HINT3: variants seen among roughly 807,000 people sequenced by gnomAD.
HINT3 encodes adenosine 5'-monophosphoramidase HINT3.
HINT3 carries 16 observed loss-of-function variants against 19.1 expected under a neutral mutation model. That is an observed-to-expected ratio of 0.84 (90% confidence interval 0.57 to 1.27). The LOEUF (loss-of-function observed/expected upper bound fraction) is 1.27, where lower values mean the gene tolerates loss of function less well. HINT3 is among the 50% of genes most tolerant of loss of function. HINT3 has a pLI of 0.00. For synonymous variants in HINT3, 75 were observed against 84.8 expected (o/e 0.88, Z 0.63); for missense variants, 197 against 225.8 (o/e 0.87, Z 0.82).
intron 2 of HINT3, 118 bp downstream of exon 2, chr6:125,967,122 T>C: frequency 1.7e-6 from 1 of 584,822 alleles, no homozygotes; most frequent in Non-Finnish European, 2.9e-6. Context: ...CATTATGACT[T>C]TTTGAAATTT....
chr6:125,966,321 A>T (rs1789017266), intron 1 of HINT3, among the ~76,000 whole-genome samples: 1 of 152,208 alleles, frequency 6.6e-6, no homozygotes, highest in African/African-American at 2.4e-5. Flanking sequence ...AGTACAATAT[A>T]CTGGAATTTG....
chr6:125,962,163 C>CATAT (rs1164333774), intron 1 of HINT3, among the ~76,000 whole-genome samples: 27 of 11,256 alleles, frequency 2.4e-3, no homozygotes, highest in South Asian at 9.6e-3. Context: ...TATATATACA[C>CATAT]ATATATATAT....
chr6:125,967,330 T>C (rs1361784613), intron 2 of HINT3, among the ~76,000 whole-genome samples: 1 of 134,828 alleles, frequency 7.4e-6, no homozygotes, highest in East Asian at 2.1e-4. Flanking sequence ...TTATGACTTT[T>C]TTTTTTTTTT....
At chr6:125,969,584 G>A (rs1414217054) in intron 2 of HINT3, among the ~76,000 whole-genome samples, 3 of 152,092 alleles carry the variant, frequency 2.0e-5, no homozygotes, top group African/African-American at 4.8e-5. Flanking sequence ...GGGCAGTATG[G>A]CCTTTTTAAC....
rs751870175 is a variant in HINT3, at chr6:125,972,335, A to G, written c.389+7A>G. ...CTGACTTCACGAATGTGAGGTGTGT[A>G]TACTTCCAGATGGAAACCAATATTA... On this transcript the variant is annotated splice_region_variant and intron_variant, in intron 3 of 4. Coordinates refer to ENST00000229633, the MANE Select transcript of HINT3 (RefSeq NM_138571.5). 4.6e-6 allele frequency: 7 copies of G among 1,505,626 alleles called. No individual in the cohort carries two copies. In the Admixed American group the frequency reaches 1.4e-4, roughly 30 times the overall value. 93.3% of individuals were successfully genotyped at this position (1,505,626 alleles called of 1,614,324 possible). A position where few individuals can be genotyped will look rare whatever the true frequency, so the allele number is the denominator to read the frequency against.
chr6:125,957,612 GA>G (rs1788859732), intron 1 of HINT3, among the ~76,000 whole-genome samples: 1 of 152,224 alleles, frequency 6.6e-6, no homozygotes, highest in Non-Finnish European at 1.5e-5. Flanking sequence ...ATACTGATGA[GA>G]AAACTAGTAG....
Position 125,962,255 on chromosome 6 carries a change from C to CAT in HINT3, c.202-4618_202-4617dup, listed in dbSNP as rs1389282551. ...ATATACACATATATATATATACACA[C>CAT]ATATATATATATATACATACATATA... On this transcript the variant is annotated intron_variant, in intron 1 of 4. Transcript: ENST00000229633. Among the ~76,000 whole-genome samples, 12 of 14,936 alleles carry CAT rather than the reference C, an allele frequency of 8.0e-4. 1 individual carries two copies. The highest frequency in any genetic ancestry group is 2.9e-3 in the South Asian group (1 of 346). 9.8% of individuals were successfully genotyped at this position (14,936 alleles called of 152,430 possible).
intron 1 of HINT3, among the ~76,000 whole-genome samples, chr6:125,962,217 T>TATATATATATATATATACAC (rs1205142956): frequency 1.4e-5 from 1 of 72,598 alleles, no homozygotes; most frequent in South Asian, 3.9e-4. Flanking sequence ...TATACACATA[T>TATATATATATATATATACAC]ATATATATAT....
In HINT3 at chr6:125,972,363, C is replaced by T. The variant is rs756166289; in HGVS notation, c.389+35C>T. ...CTTCCAGATGGAAACCAATATTATA[C>T]ATTATTGACGTTTTTCAAAATGTCA... On this transcript the variant is annotated intron_variant, in intron 3 of 4. Coordinates refer to ENST00000229633, the MANE Select transcript of HINT3 (RefSeq NM_138571.5). 4 of 1,265,236 alleles carry T rather than the reference C, an allele frequency of 3.2e-6. No homozygotes were observed. The African/African-American group carries it at 4.7e-5, about 15-fold the overall frequency. The allele number at this position is 1,265,236 out of a possible 1,614,324, so 78.4% of individuals were successfully genotyped here.
In HINT3 at chr6:125,962,149, CATATATATATACACATATATATAT is replaced by C. The variant is rs1788934723; in HGVS notation, c.202-4726_202-4703del. Among the ~76,000 whole-genome samples, 4 of 38,680 alleles carry C rather than the reference CATATATATATACACATATATATAT, an allele frequency of 1.0e-4. No individual in the cohort carries two copies. In the Admixed American group the frequency reaches 1.6e-3, roughly 16 times the overall value. The allele number at this position is 38,680 out of a possible 152,430, so 25.4% of individuals were successfully genotyped here. A position where few individuals can be genotyped will look rare whatever the true frequency, so the allele number is the denominator to read the frequency against. ...AAGCCAGGAATCGTGGATGGAAACC[CATATATATATACACATATATATAT>C]ATATATATATATACACATATATATA... On this transcript the variant is annotated intron_variant, in intron 1 of 4. Transcript: ENST00000229633.
chr6:125,970,506 G>A (rs1789082169), intron 2 of HINT3, among the ~76,000 whole-genome samples: 1 of 152,122 alleles, frequency 6.6e-6, no homozygotes, highest in South Asian at 2.1e-4. Context: ...TAATTTTGAA[G>A]CAGCTGGTAG....
Position 125,957,143 on chromosome 6 carries a change from C to T in HINT3, c.166C>T (p.Arg56Trp), listed in dbSNP as rs923286744. 1.5e-5 allele frequency: 23 copies of T among 1,549,884 alleles called. No homozygotes were observed. The highest frequency in any genetic ancestry group is 1.9e-5 in the Non-Finnish European group (22 of 1,146,558). The change falls in exon 1 of 5, where the codon CGG becomes TGG. Residue 56 changes from arginine to tryptophan, a missense_variant. Transcript: ENST00000229633. ...CTGCGTGTTCTGCCGGATCGCGGGG[C>T]GGCAGGACCCGGGCACCGAACTCCT... is the stretch of plus-strand genomic sequence containing the variant. ...STCVFCRIAG[R>W]QDPGTELLHC...
In HINT3 at chr6:125,972,265, A is replaced by T; in HGVS notation, c.326A>T (p.Asn109Ile). The T allele has an allele frequency of 6.3e-7, 1 of 1,575,546 alleles. No homozygotes were observed. Among genetic ancestry groups the T allele is most frequent in the Non-Finnish European group, 8.6e-7 (1 of 1,162,516 alleles). Residue 109 changes from asparagine (N) to isoleucine (I), a missense_variant, in exon 3 of 5, where the codon AAC (asparagine) becomes ATC (isoleucine). Coordinates refer to ENST00000229633, the MANE Select transcript of HINT3 (RefSeq NM_138571.5). ...LRKDQVELVE[N>I]MVTVGKTILE... Reference sequence around the variant, plus strand: ...TGTCTTTTCTGTTTTACAGTTGAGAACATGGTAACTGTTGGAAAAACCATT... The same window carrying T: ...TGTCTTTTCTGTTTTACAGTTGAGATCATGGTAACTGTTGGAAAAACCATT...
chr6:125,975,804 C>T (rs1789171585), intron 4 of HINT3, among the ~76,000 whole-genome samples: 1 of 152,148 alleles, frequency 6.6e-6, no homozygotes, highest in Non-Finnish European at 1.5e-5. Flanking sequence ...TCTCTATCTC[C>T]TGACCTCATG....
chr6:125,961,707 A>C (rs1788929527), intron 1 of HINT3, among the ~76,000 whole-genome samples: 1 of 152,204 alleles, frequency 6.6e-6, no homozygotes, highest in South Asian at 2.1e-4. Flanking sequence ...AGGAGCCTCC[A>C]TGAGTTCAGC....
intron 1 of HINT3, among the ~76,000 whole-genome samples, chr6:125,965,321 A>T (rs569790330): frequency 6.6e-6 from 1 of 152,306 alleles, no homozygotes; most frequent in Non-Finnish European, 1.5e-5. Context: ...ACCAGGTTGT[A>T]TTCTGTACCA....
chr6:125,975,050 A>G, intron 4 of HINT3, 77 bp downstream of exon 4: 1 of 1,399,090 alleles, frequency 7.1e-7, no homozygotes. Context: ...TCTTCTCAAC[A>G]GTAGGCACTT....
intron 3 of HINT3, among the ~76,000 whole-genome samples, chr6:125,973,076 T>C (rs1307236482): frequency 8.3e-6 from 1 of 120,214 alleles, no homozygotes; most frequent in Non-Finnish European, 1.7e-5. Context: ...TTTTTTTTTT[T>C]TTTTTTTTTT....
intron 1 of HINT3, among the ~76,000 whole-genome samples, chr6:125,962,081 C>T (rs1788933362): frequency 6.7e-6 from 1 of 148,936 alleles, no homozygotes; most frequent in Non-Finnish European, 1.5e-5. Flanking sequence ...TAAAATGCCT[C>T]GACATGGTAA....
Sources: gnomAD v4.1 joint callset for allele counts (sites outside exome capture counted in the v4.1 genomes callset) on GRCh38, gnomAD v4.1.1 for gene constraint, MANE v1.5 for transcripts, NCBI Gene and HGNC (gene_info 2026-07-23, HGNC 2026-07-21) for gene names.